The following KAZN variants were observed in gnomAD, a reference collection of about 807,000 sequenced individuals.
The protein encoded by KAZN is kazrin, periplakin interacting protein, also known as kazrin.
KAZN carries 40 observed loss-of-function variants against 87.4 expected under a neutral mutation model. The ratio of observed to expected loss-of-function variants is 0.46; its 90% CI spans 0.36 to 0.60. The LOEUF is 0.60. KAZN is among the 20% of genes least tolerant of loss of function. The pLI, the probability that KAZN is intolerant of heterozygous loss-of-function variation, is 0.00. For synonymous variants in KAZN, 466 were observed against 458.3 expected, an observed-to-expected ratio of 1.02 and a Z score of -0.22; for missense variants, 898 against 1,073.9, an observed-to-expected ratio of 0.84 and a Z score of 2.29.
At chr1:14,770,933 C>G (rs1301044583) in intron 1 of KAZN, among the ~76,000 whole-genome samples, 1 of 152,104 alleles carries the variant, frequency 6.6e-6, no homozygotes, top group Admixed American at 6.5e-5. Context: ...GTAAGGGGAA[C>G]AGGGAGACAT....
intron 2 of KAZN, among the ~76,000 whole-genome samples, chr1:14,554,195 T>A (rs540494168): frequency 1.4e-4 from 21 of 152,202 alleles, no homozygotes; most frequent in African/African-American, 4.8e-4. Context: ...TGTGGGGAGA[T>A]ATGAAGTGGT....
chr1:14,625,363 G>T lies in KAZN; in HGVS notation c.226+26140G>T, dbSNP rs180959937. 7.2e-5 allele frequency among the ~76,000 whole-genome samples: 11 copies of T among 152,118 alleles called. No homozygotes were observed. The East Asian group carries it at 1.7e-3, about 24-fold the overall frequency. ...GGCCCCCCTCACACTGCAAAGCCTC[G>T]CTCCCTACTATCCGAGGATAAAGCC... On this transcript the variant is annotated intron_variant, in intron 1 of 14. Coordinates refer to ENST00000376030, the MANE Select transcript of KAZN (RefSeq NM_201628.3).
chr1:14,160,237 G>A (rs1427924428), intron 1 of KAZN, among the ~76,000 whole-genome samples: 1 of 152,196 alleles, frequency 6.6e-6, no homozygotes, highest in Non-Finnish European at 1.5e-5. Context: ...AGGAACTCAA[G>A]TTCAGACCAC....
At chr1:14,874,524 A>G (rs980842995) in intron 1 of KAZN, among the ~76,000 whole-genome samples, 2 of 142,236 alleles carry the variant, frequency 1.4e-5, no homozygotes, top group East Asian at 2.2e-4. Flanking sequence ...ATGGATGGAC[A>G]GATGGATGGA....
chr1:14,146,463 G>C (rs1645351074), intron 1 of KAZN, among the ~76,000 whole-genome samples: 1 of 148,164 alleles, frequency 6.7e-6, no homozygotes, highest in South Asian at 2.1e-4. Context: ...TTGAACCTGG[G>C]AGACGGAAGT....
At chr1:14,548,035 TA>T (rs35205953) in intron 2 of KAZN, among the ~76,000 whole-genome samples, 791 of 124,320 alleles carry the variant, frequency 6.4e-3, no homozygotes, top group Middle Eastern at 0.026. Flanking sequence ...GGTGATGAGC[TA>T]AAAAAAAAAA....
In KAZN at chr1:14,727,450, C is replaced by CTTTTTTTTTTTTTTTTTT. The variant is rs57203868; in HGVS notation, c.226+128256_226+128273dup. Among the ~76,000 whole-genome samples the CTTTTTTTTTTTTTTTTTT allele has an allele frequency of 1.4e-4, 10 of 73,916 alleles. 2 individuals carry two copies. Among genetic ancestry groups the CTTTTTTTTTTTTTTTTTT allele is most frequent in the Admixed American group, 1.8e-4 (1 of 5,460 alleles). 48.5% of individuals were successfully genotyped at this position (73,916 alleles called of 152,430 possible). ...GTCCATCACATTTATTGTGCACTTT[C>CTTTTTTTTTTTTTTTTTT]TTTTTTTTTTTTTTTTTTTTTTTTT... On this transcript the variant is annotated intron_variant, in intron 1 of 14. Transcript: ENST00000376030.
chr1:14,878,615 G>A (rs74059643), intron 1 of KAZN, among the ~76,000 whole-genome samples: 3,013 of 152,234 alleles, frequency 0.02, 101 homozygotes, highest in African/African-American at 0.068. Flanking sequence ...ATTTTGTGGT[G>A]AAAACCCACC....
chr1:14,832,964 T>C (rs1647093574), intron 1 of KAZN, among the ~76,000 whole-genome samples: 2 of 152,252 alleles, frequency 1.3e-5, no homozygotes, highest in Admixed American at 6.5e-5. Context: ...ATAGTCAAGG[T>C]GGACTATATG....
chr1:15,006,306 G>A (rs140066334), intron 2 of KAZN, among the ~76,000 whole-genome samples: 2 of 152,320 alleles, frequency 1.3e-5, no homozygotes, highest in East Asian at 1.9e-4. Flanking sequence ...GCTAGGCTTA[G>A]GGAAGAGAGG....
At chr1:14,578,265 G>A (rs1018722163) in intron 2 of KAZN, among the ~76,000 whole-genome samples, 3 of 152,104 alleles carry the variant, frequency 2.0e-5, no homozygotes, top group Admixed American at 1.3e-4. Context: ...CATTTCATAC[G>A]GTAGAGGAAA....
intron 1 of KAZN, among the ~76,000 whole-genome samples, chr1:14,803,736 C>A (rs1392084370): frequency 6.6e-6 from 1 of 152,208 alleles, no homozygotes; most frequent in Non-Finnish European, 1.5e-5. Context: ...AGAGGCGATG[C>A]CAAGGCTTTC....
Position 15,066,970 on chromosome 1 carries a change from T to G in KAZN, c.1222+1217T>G. 1 of 985,546 alleles carries G rather than the reference T, an allele frequency of 1.0e-6. No homozygotes were observed. Among genetic ancestry groups the G allele is most frequent in the African/African-American group, 1.7e-5 (1 of 57,374 alleles). 61.1% of individuals were successfully genotyped at this position (985,546 alleles called of 1,614,324 possible). ...CAGAGTGCTGACAGTCATGGTCCCC[T>G]TCTTTGGGTCTGTCTTTTGAGAGAG... On this transcript the variant is annotated intron_variant, in intron 8 of 14. Coordinates refer to ENST00000376030, the MANE Select transcript of KAZN (RefSeq NM_201628.3). The surrounding 1 kb of genome is among the most constrained non-coding windows in gnomAD (Gnocchi z 4.3).
intron 2 of KAZN, among the ~76,000 whole-genome samples, chr1:14,985,275 G>GGGAGGCCAAGGTA (rs1666682850): frequency 6.6e-6 from 1 of 151,430 alleles, no homozygotes; most frequent in Admixed American, 6.6e-5. Flanking sequence ...AGGCCAAGGT[G>GGGAGGCCAAGGTA]GGAGGCCAAG....
intron 1 of KAZN, among the ~76,000 whole-genome samples, chr1:14,659,575 A>AAT (rs1441966573): frequency 2.6e-5 from 4 of 152,340 alleles, no homozygotes; most frequent in Admixed American, 2.6e-4. Flanking sequence ...TGGCACCATA[A>AAT]ACTTCTAGAA....
At chr1:15,071,742 G>T (rs894385255) in intron 8 of KAZN, among the ~76,000 whole-genome samples, 3 of 152,170 alleles carry the variant, frequency 2.0e-5, no homozygotes, top group Non-Finnish European at 4.4e-5. Context: ...TCCTGAAAAT[G>T]GCAGGACCTC....
intron 2 of KAZN, among the ~76,000 whole-genome samples, chr1:14,249,537 A>G (rs1394617763): frequency 2.6e-5 from 4 of 152,232 alleles, no homozygotes; most frequent in Admixed American, 2.0e-4. Context: ...CCAATTCTGC[A>G]TTCTGCTTTG....
In KAZN at chr1:14,177,782, C is replaced by CTG. The variant is rs1012035253; in HGVS notation, c.92-2641_92-2640dup. On this transcript the variant is annotated intron_variant, in intron 1 of 16. Coordinates refer to the KAZN transcript ENST00000636203. ...TGATTTTAAGATTTTCTCATTTTCA[C>CTG]TGTGTGTGTGTGTTTTTTTTTTTTT... Among the ~76,000 whole-genome samples, 77 of 146,870 alleles carry CTG rather than the reference C, an allele frequency of 5.2e-4. 2 individuals are homozygous for CTG. The highest frequency in any genetic ancestry group is 1.1e-3 in the South Asian group (5 of 4,644).
intron 1 of KAZN, among the ~76,000 whole-genome samples, chr1:13,932,427 ATTTTTTGTATTT>A (rs1208159364): frequency 6.6e-6 from 1 of 150,910 alleles, no homozygotes; most frequent in African/African-American, 2.4e-5. Context: ...CGCCCGGCTA[ATTTTTTGTATTT>A]TTAGTAGAGA....
Sources: allele counts gnomAD v4.1 joint callset (sites outside exome capture counted in the v4.1 genomes callset), GRCh38; gene constraint gnomAD v4.1.1; non-coding constraint Gnocchi (gnomAD v3.1); transcripts MANE v1.5; gene names NCBI Gene and HGNC (gene_info 2026-07-23, HGNC 2026-07-21).